The following DNAH11 variants were observed in gnomAD, a reference collection of about 807,000 sequenced individuals.
DNAH11 encodes the protein dynein axonemal heavy chain 11.
Under a neutral mutation model 526.0 loss-of-function variants are expected in DNAH11, and 442 were observed. The observed-to-expected ratio is 0.84, with a 90% CI of 0.78 to 0.91. The LOEUF (loss-of-function observed/expected upper bound fraction) is 0.91. Among genes scored for constraint, DNAH11 ranks in the 40% least tolerant of loss-of-function variants. DNAH11 has a pLI of 0.00. For synonymous variants in DNAH11, 2,461 were observed against 1,935.9 expected (o/e 1.27, Z -7.12); for missense variants, 6,989 against 5,448.7 (o/e 1.28, Z -8.90).
At chr7:21,724,224 T>C (rs1784987391) in intron 44 of DNAH11, among the ~76,000 whole-genome samples, 1 of 152,226 alleles carries the variant, frequency 6.6e-6, no homozygotes. Context: ...CTGTCCTGGC[T>C]CAAGACCAAC....
intron 61 of DNAH11, 50 bp downstream of exon 61, chr7:21,789,392 C>T (rs1236672748): frequency 7.6e-7 from 1 of 1,317,608 alleles, no homozygotes; most frequent in Non-Finnish European, 1.1e-6. Flanking sequence ...TGGTCGCTGC[C>T]TCCACCTTAG....
At chr7:21,640,282 A>G (rs1490768389) in intron 28 of DNAH11, among the ~76,000 whole-genome samples, 3 of 152,242 alleles carry the variant, frequency 2.0e-5, no homozygotes, top group African/African-American at 4.8e-5. Flanking sequence ...ATTTTGAAAC[A>G]TAATAGTTGT....
At chr7:21,892,869 G>C (rs1449193259) in intron 77 of DNAH11, among the ~76,000 whole-genome samples, 1 of 151,980 alleles carries the variant, frequency 6.6e-6, no homozygotes. Flanking sequence ...ACCTCCCCCA[G>C]AGATAATCAG....
chr7:21,840,620 T>C (rs1782170428), intron 65 of DNAH11, among the ~76,000 whole-genome samples: 1 of 152,120 alleles, frequency 6.6e-6, no homozygotes, highest in Non-Finnish European at 1.5e-5. Context: ...CCCCCTTTAC[T>C]AGATCCTCAT....
At chr7:21,713,009 A>G (rs969252183) in intron 42 of DNAH11, among the ~76,000 whole-genome samples, 8 of 152,352 alleles carry the variant, frequency 5.3e-5, no homozygotes, top group African/African-American at 1.9e-4. Flanking sequence ...TAGGTTATGT[A>G]TGTTTGCATG....
intron 65 of DNAH11, among the ~76,000 whole-genome samples, chr7:21,821,188 G>A (rs4582443): frequency 0.41 from 62,216 of 151,998 alleles, 13,577 homozygotes; most frequent in East Asian, 0.81. Flanking sequence ...ATATAGGAAT[G>A]AGAGTAAGTG....
At chr7:21,666,966 A>G (rs933573344) in intron 30 of DNAH11, among the ~76,000 whole-genome samples, 6 of 152,154 alleles carry the variant, frequency 3.9e-5, no homozygotes, top group Non-Finnish European at 7.4e-5. Flanking sequence ...CTAGGAACAC[A>G]TGAAATTGAA....
chr7:21,857,650 T>C (rs1782904479), intron 68 of DNAH11, among the ~76,000 whole-genome samples: 1 of 152,148 alleles, frequency 6.6e-6, no homozygotes, highest in Non-Finnish European at 1.5e-5. Flanking sequence ...GTGGAACAGA[T>C]TGGAGAATCC....
intron 73 of DNAH11, 78 bp from the exon 74 acceptor site, chr7:21,873,196 T>C: frequency 1.6e-6 from 2 of 1,231,978 alleles, no homozygotes; most frequent in African/African-American, 1.5e-5. Flanking sequence ...AGTGCAATTA[T>C]ATATAGGAAA....
chr7:21,628,124 TG>T (rs1424076004), intron 25 of DNAH11, among the ~76,000 whole-genome samples: 7 of 152,214 alleles, frequency 4.6e-5, no homozygotes, highest in African/African-American at 1.4e-4. Context: ...AACTGTTTTT[TG>T]TATGTCTACT....
At chr7:21,613,001 G>C (rs1785595107) in intron 20 of DNAH11, among the ~76,000 whole-genome samples, 1 of 151,976 alleles carries the variant, frequency 6.6e-6, no homozygotes, top group Non-Finnish European at 1.5e-5. Context: ...CCTAATAAAA[G>C]AATGAAAACT....
chr7:21,786,833 A>T (rs1050480236), intron 59 of DNAH11, 66 bp downstream of exon 59: 4 of 1,574,532 alleles, frequency 2.5e-6, no homozygotes, highest in Admixed American at 3.5e-5. Flanking sequence ...TACTGTGGTT[A>T]TGCTTAATAG....
At chr7:21,887,547 C>A (rs1217547452) in intron 76 of DNAH11, among the ~76,000 whole-genome samples, 1 of 152,146 alleles carries the variant, frequency 6.6e-6, no homozygotes, top group African/African-American at 2.4e-5. Context: ...GTAATTGACC[C>A]TCTCTTAGCC....
At chr7:21,592,083 A>G (rs939366434) in intron 14 of DNAH11, among the ~76,000 whole-genome samples, 9 of 152,104 alleles carry the variant, frequency 5.9e-5, no homozygotes, top group Admixed American at 5.9e-4. Context: ...CACACACACA[A>G]AAGGCAGAAG....
At chr7:21,575,522 A>G (rs1324438482) in intron 8 of DNAH11, among the ~76,000 whole-genome samples, 3 of 152,302 alleles carry the variant, frequency 2.0e-5, no homozygotes, top group East Asian at 1.9e-4. Flanking sequence ...TTTTAATTAA[A>G]CAGATTTCAT....
chr7:21,745,114 A>C, intron 51 of DNAH11, 51 bp downstream of exon 51: 1 of 1,536,830 alleles, frequency 6.5e-7, no homozygotes, highest in Non-Finnish European at 8.8e-7. Context: ...ATGGCTGGAT[A>C]TCCACTACTG....
intron 68 of DNAH11, among the ~76,000 whole-genome samples, chr7:21,861,389 T>C (rs35161061): frequency 0.73 from 110,662 of 152,148 alleles, 41,155 homozygotes; most frequent in Non-Finnish European, 0.82. Context: ...CCCCCAAAAA[T>C]GTATGGCCTT....
intron 66 of DNAH11, among the ~76,000 whole-genome samples, chr7:21,846,567 C>T (rs779476877): frequency 5.3e-5 from 8 of 152,086 alleles, no homozygotes; most frequent in Non-Finnish European, 1.2e-4. Context: ...CCCACTTGGT[C>T]GTGGTGTTTA....
chr7:21,746,345 T>C (rs887002961), intron 51 of DNAH11, among the ~76,000 whole-genome samples: 2 of 152,180 alleles, frequency 1.3e-5, no homozygotes, highest in African/African-American at 2.4e-5. Context: ...GGCTCACACC[T>C]GTAATCCCAG....
Sources: gnomAD v4.1 joint callset for allele counts (sites outside exome capture counted in the v4.1 genomes callset) on GRCh38, gnomAD v4.1.1 for gene constraint, MANE v1.5 for transcripts, NCBI Gene and HGNC (gene_info 2026-07-23, HGNC 2026-07-21) for gene names.